SAMMSON: variants seen among roughly 807,000 people sequenced by gnomAD.
The protein encoded by SAMMSON is survival associated mitochondrial melanoma specific oncogenic non-coding RNA, also known as long intergenic non-protein coding RNA 1212.
chr3:70,230,499 CAT>C (rs56052995), intron 4 of SAMMSON, among the ~76,000 whole-genome samples: 132,425 of 151,276 alleles, frequency 0.88, 59,126 homozygotes, highest in East Asian at 0.97. Flanking sequence ...CGAGATGAAT[CAT>C]ATATATATAT....
chr3:70,021,213 C>G (rs1197901858), intron 3 of SAMMSON, among the ~76,000 whole-genome samples: 2 of 152,112 alleles, frequency 1.3e-5, no homozygotes, highest in African/African-American at 4.8e-5. Context: ...CAGTAACAGG[C>G]CACCAAAACA....
intron 7 of SAMMSON, among the ~76,000 whole-genome samples, chr3:70,351,248 A>G (rs1406107205): frequency 6.6e-6 from 1 of 152,156 alleles, no homozygotes; most frequent in Non-Finnish European, 1.5e-5. Flanking sequence ...AGAAAAAGTA[A>G]GTTGATACTT....
At position 70,148,116 on chromosome 3, in the gene SAMMSON, A is replaced by G. The variant is rs79785343; in HGVS notation, n.507+76551A>G. 2.0e-3 allele frequency among the ~76,000 whole-genome samples: 299 copies of G among 152,232 alleles called. No individual in the cohort carries two copies. In the East Asian group the frequency reaches 0.02, roughly 10 times the overall value. On this transcript the variant is annotated intron_variant and non_coding_transcript_variant, in intron 4 of 9. Coordinates refer to ENST00000642114, the Ensembl canonical transcript of SAMMSON. ...TACATTTTTTGGAAAGGCTATAATT[A>G]AATACCCTGATTATACCAAGCACTG...
chr3:70,137,809 C>T (rs2067512191), intron 4 of SAMMSON: 1 of 151,894 alleles, frequency 6.6e-6, no homozygotes, highest in African/African-American at 2.4e-5. Flanking sequence ...TATTTTTTAC[C>T]ATAAGTCTCT....
At chr3:70,205,006 A>G (rs962309870) in intron 4 of SAMMSON, 1 of 152,100 alleles carries the variant, frequency 6.6e-6, no homozygotes, top group Non-Finnish European at 1.5e-5. Flanking sequence ...ACTGGCATTA[A>G]TCTCTACCAA....
chr3:70,225,719 A>G (rs1036081131), intron 4 of SAMMSON, among the ~76,000 whole-genome samples: 7 of 152,248 alleles, frequency 4.6e-5, no homozygotes, highest in Non-Finnish European at 1.0e-4. Context: ...GAAACAATAA[A>G]GTAGAACGAT....
chr3:70,101,349 ATT>A (rs1335487945), intron 4 of SAMMSON, among the ~76,000 whole-genome samples: 1 of 152,104 alleles, frequency 6.6e-6, no homozygotes, highest in Non-Finnish European at 1.5e-5. Flanking sequence ...TATTTTCTAA[ATT>A]TTATATTGAT....
chr3:70,368,080 G>C (rs1702935385), intron 9 of SAMMSON, among the ~76,000 whole-genome samples: 1 of 150,858 alleles, frequency 6.6e-6, no homozygotes, highest in Admixed American at 6.6e-5. Context: ...ATTTTCTTAA[G>C]TGTCTTTTGC....
chr3:70,392,274 C>T (rs141758453), downstream of SAMMSON, among the ~76,000 whole-genome samples: 1 of 152,230 alleles, frequency 6.6e-6, no homozygotes, highest in Non-Finnish European at 1.5e-5. Flanking sequence ...ATTCACATCT[C>T]ACCACCCATC....
chr3:70,048,710 C>T (rs1361424598), intron 3 of SAMMSON, among the ~76,000 whole-genome samples: 2 of 152,118 alleles, frequency 1.3e-5, no homozygotes, highest in Non-Finnish European at 2.9e-5. Context: ...CTAACTTCTT[C>T]TTATGTGTCA....
At chr3:70,226,134 T>C (rs1190004816) in intron 4 of SAMMSON, among the ~76,000 whole-genome samples, 1 of 152,128 alleles carries the variant, frequency 6.6e-6, no homozygotes, top group Admixed American at 6.6e-5. Flanking sequence ...ACCTAATAGA[T>C]AAATTTGAAG....
chr3:70,224,832 C>G (rs7650154), intron 4 of SAMMSON, among the ~76,000 whole-genome samples: 2 of 151,920 alleles, frequency 1.3e-5, no homozygotes, highest in East Asian at 1.9e-4. Context: ...TTTCCCCCCC[C>G]ACACCTCACC....
At chr3:70,053,972 G>A (rs1308005291) in intron 3 of SAMMSON, among the ~76,000 whole-genome samples, 1 of 151,952 alleles carries the variant, frequency 6.6e-6, no homozygotes, top group Non-Finnish European at 1.5e-5. Context: ...TTTACTGTGT[G>A]CATAACAAGC....
At chr3:70,048,339 C>T (rs76125405) in intron 3 of SAMMSON, among the ~76,000 whole-genome samples, 1,596 of 152,202 alleles carry the variant, frequency 0.01, 23 homozygotes, top group African/African-American at 0.036. Flanking sequence ...CTCTCTGAAA[C>T]TTGATTTCCT....
At chr3:70,196,468 T>C (rs144537882) in intron 4 of SAMMSON, among the ~76,000 whole-genome samples, 1 of 152,322 alleles carries the variant, frequency 6.6e-6, no homozygotes, top group African/African-American at 2.4e-5. Flanking sequence ...CAATACATTA[T>C]TAATAATAAC....
At chr3:70,318,067 T>C (rs1157846854) in intron 7 of SAMMSON, among the ~76,000 whole-genome samples, 1 of 151,944 alleles carries the variant, frequency 6.6e-6, no homozygotes, top group East Asian at 1.9e-4. Context: ...CTTTCAGGAA[T>C]TTGACTAGGA....
intron 4 of SAMMSON, among the ~76,000 whole-genome samples, chr3:70,227,515 G>A (rs1411334553): frequency 6.6e-6 from 1 of 152,192 alleles, no homozygotes; most frequent in Non-Finnish European, 1.5e-5. Context: ...TCGATAGAGG[G>A]ACAAGGCTAG....
intron 7 of SAMMSON, among the ~76,000 whole-genome samples, chr3:70,331,014 T>C (rs1702617731): frequency 1.3e-5 from 2 of 152,306 alleles, no homozygotes; most frequent in African/African-American, 4.8e-5. Flanking sequence ...TTATTTATGT[T>C]GATAACAATA....
intron 4 of SAMMSON, among the ~76,000 whole-genome samples, chr3:70,128,881 T>G (rs544984233): frequency 6.6e-6 from 1 of 152,342 alleles, no homozygotes; most frequent in African/African-American, 2.4e-5. Flanking sequence ...TATCTGGTAG[T>G]GCAGGAAAGT....
Sources: allele counts gnomAD v4.1 joint callset (sites outside exome capture counted in the v4.1 genomes callset), GRCh38; gene constraint gnomAD v4.1.1; transcripts MANE v1.5; gene names NCBI Gene and HGNC (gene_info 2026-07-23, HGNC 2026-07-21).